Variants in MMP26 observed in about 807,000 individuals in gnomAD.
The protein encoded by MMP26 is matrix metalloproteinase-26.
A neutral mutation model predicts 31.0 loss-of-function variants in MMP26; 33 were observed. The observed-to-expected ratio is 1.06, with a 90% CI of 0.81 to 1.42. MMP26 has a LOEUF of 1.42. Ranked by LOEUF, MMP26 falls within the 40% of genes most tolerant of loss-of-function variation. The pLI is 0.00. For synonymous variants in MMP26, 122 were observed against 114.9 expected (o/e 1.06, Z -0.40); for missense variants, 347 against 316.1 (o/e 1.10, Z -0.74).
At chr11:4,935,007 T>C (rs1269902445) in intron 2 of MMP26, among the ~76,000 whole-genome samples, 5 of 150,850 alleles carry the variant, frequency 3.3e-5, no homozygotes, top group Admixed American at 6.6e-5. Context: ...AGTCAGGTAG[T>C]GTGATGCCTC....
At chr11:4,905,045 C>G (rs1850862235) in intron 2 of MMP26, among the ~76,000 whole-genome samples, 1 of 152,064 alleles carries the variant, frequency 6.6e-6, no homozygotes, top group Non-Finnish European at 1.5e-5. Flanking sequence ...CCTGAAAGAC[C>G]TGAGTCAATA....
intron 2 of MMP26, among the ~76,000 whole-genome samples, chr11:4,904,162 C>A (rs1386425074): frequency 6.6e-6 from 1 of 152,066 alleles, no homozygotes; most frequent in Non-Finnish European, 1.5e-5. Context: ...TACTGATTAT[C>A]TTCATTGTGT....
chr11:4,714,248 GT>G (rs1295155554), intron 1 of MMP26, among the ~76,000 whole-genome samples: 1 of 152,194 alleles, frequency 6.6e-6, no homozygotes, highest in African/African-American at 2.4e-5. Context: ...AAGGAAAATT[GT>G]GGAAATCTAT....
chr11:4,986,503 C>T (rs900183891), intron 2 of MMP26, among the ~76,000 whole-genome samples: 31 of 141,990 alleles, frequency 2.2e-4, no homozygotes, highest in African/African-American at 8.1e-4. Context: ...CACCACCATG[C>T]CCAGTCGATT....
intron 2 of MMP26, among the ~76,000 whole-genome samples, chr11:4,917,370 G>A (rs1467310638): frequency 6.6e-6 from 1 of 152,126 alleles, no homozygotes; most frequent in Non-Finnish European, 1.5e-5. Context: ...CTAGACTTCA[G>A]GATATAAACA....
chr11:4,944,097 T>C (rs1026892675), intron 2 of MMP26: 1 of 455,214 alleles, frequency 2.2e-6, no homozygotes, highest in Admixed American at 2.4e-5. Context: ...CAAACCCATA[T>C]CTGTATTTGT....
At chr11:4,872,883 A>G (rs1459802411) in intron 2 of MMP26, among the ~76,000 whole-genome samples, 1 of 152,094 alleles carries the variant, frequency 6.6e-6, no homozygotes, top group Non-Finnish European at 1.5e-5. Context: ...TTAGATAGAC[A>G]GAATTAAGCT....
At position 4,879,566 on chromosome 11, in the gene MMP26, A is replaced by C. The variant is rs558478610; in HGVS notation, c.-144-108502A>C. On this transcript the variant is annotated intron_variant, in intron 2 of 7. Transcript: ENST00000380390. Reference sequence around the variant, plus strand: ...TTCTGCAACTTGCTAACTTTTAGACAGCGAAGTTATTAAAAAATCTCTCTG... The same window carrying C: ...TTCTGCAACTTGCTAACTTTTAGACCGCGAAGTTATTAAAAAATCTCTCTG... Among the ~76,000 whole-genome samples, 9 of 152,296 alleles carry C rather than the reference A, an allele frequency of 5.9e-5. No individual in the cohort carries two copies. In the South Asian group the frequency reaches 1.7e-3, roughly 28 times the overall value.
intron 2 of MMP26, among the ~76,000 whole-genome samples, chr11:4,805,317 C>T (rs1266893947): frequency 1.3e-5 from 2 of 152,126 alleles, no homozygotes; most frequent in African/African-American, 4.8e-5. Context: ...TAGGTTTCTC[C>T]TAGACAAGAA....
chr11:4,951,673 G>A (rs11823848), intron 2 of MMP26, among the ~76,000 whole-genome samples: 28,315 of 122,442 alleles, frequency 0.23, 8,786 homozygotes, highest in Non-Finnish European at 0.25. Flanking sequence ...AGTGATAGGG[G>A]TTGTGGCACA....
At chr11:4,846,919 C>G (rs1849878434) in intron 2 of MMP26, among the ~76,000 whole-genome samples, 1 of 152,144 alleles carries the variant, frequency 6.6e-6, no homozygotes, top group African/African-American at 2.4e-5. Context: ...TCTCACTGGT[C>G]AGTAGGTTGT....
intron 2 of MMP26, chr11:4,923,557 A>C (rs768780787): frequency 6.2e-7 from 1 of 1,614,126 alleles, no homozygotes; most frequent in South Asian, 1.1e-5. Context: ...GATGCACAAG[A>C]GACAAGCCAA....
At chr11:4,809,096 T>C (rs1849316401) in intron 2 of MMP26, among the ~76,000 whole-genome samples, 1 of 151,956 alleles carries the variant, frequency 6.6e-6, no homozygotes, top group African/African-American at 2.4e-5. Flanking sequence ...ATGTACATTC[T>C]CTAAAAGGTA....
chr11:4,933,510 A>G (rs891824545), intron 2 of MMP26, among the ~76,000 whole-genome samples: 52 of 145,580 alleles, frequency 3.6e-4, no homozygotes, highest in African/African-American at 1.3e-3. Flanking sequence ...TTTAACCATT[A>G]CCCTGTTATT....
intron 2 of MMP26, among the ~76,000 whole-genome samples, chr11:4,984,580 G>A (rs1846860135): frequency 2.0e-5 from 3 of 152,052 alleles, no homozygotes; most frequent in Admixed American, 1.3e-4. Context: ...AAGTTCCAAA[G>A]TCTGTGCTAC....
chr11:4,920,244 C>A (rs931262332), intron 2 of MMP26, among the ~76,000 whole-genome samples: 4 of 152,044 alleles, frequency 2.6e-5, no homozygotes, highest in Non-Finnish European at 5.9e-5. Context: ...TATTCAGAGA[C>A]CTTTGCCAGC....
intron 2 of MMP26, among the ~76,000 whole-genome samples, chr11:4,792,029 G>A (rs1490363139): frequency 1.3e-5 from 2 of 151,950 alleles, no homozygotes; most frequent in Non-Finnish European, 2.9e-5. Context: ...GTGTAGCCAT[G>A]CTCAAATTAA....
intron 2 of MMP26, among the ~76,000 whole-genome samples, chr11:4,962,842 C>A (rs573192305): frequency 6.6e-6 from 1 of 152,218 alleles, no homozygotes; most frequent in East Asian, 1.9e-4. Flanking sequence ...TGAGCTGGTG[C>A]AAAGGCAAAG....
chr11:4,723,027 C>T (rs1848037083), intron 1 of MMP26: 1 of 1,009,260 alleles, frequency 9.9e-7, no homozygotes, highest in Non-Finnish European at 1.6e-6. Context: ...GTGGCGATCT[C>T]GATATCCAGG....
Sources: allele counts gnomAD v4.1 joint callset (sites outside exome capture counted in the v4.1 genomes callset), GRCh38; gene constraint gnomAD v4.1.1; transcripts MANE v1.5; gene names NCBI Gene and HGNC (gene_info 2026-07-23, HGNC 2026-07-21).